The following BRCA1 variants were observed in gnomAD, a reference collection of about 807,000 sequenced individuals.
BRCA1 encodes breast cancer type 1 susceptibility protein.
Under a neutral mutation model 173.7 loss-of-function variants are expected in BRCA1, and 140 were observed. The observed-to-expected ratio is 0.81, with a 90% CI of 0.70 to 0.93. The LOEUF is 0.93. Ranked by LOEUF, BRCA1 falls within the 40% of genes least tolerant of loss-of-function variation. BRCA1 has a pLI of 0.00. For missense variants in BRCA1, 1,983 were observed against 2,172.5 expected (o/e 0.91, Z 1.73); for synonymous variants, 662 against 756.0 (o/e 0.88, Z 2.04).
chr17:43,076,466 T>G (rs2052715436), intron 13 of BRCA1, 22 bp downstream of exon 13: 2 of 1,612,686 alleles, frequency 1.2e-6, no homozygotes, highest in African/African-American at 1.3e-5. Context: ...TACCACAGCA[T>G]CTTTACATTG....
chr17:43,132,120 A>G (rs2055972003), intron 1 of BRCA1, among the ~76,000 whole-genome samples: 1 of 152,096 alleles, frequency 6.6e-6, no homozygotes, highest in Non-Finnish European at 1.5e-5. Flanking sequence ...ATCAACTGAC[A>G]TTTGCCCCAA....
intron 3 of BRCA1, among the ~76,000 whole-genome samples, chr17:43,106,776 T>C (rs2054810467): frequency 6.6e-6 from 1 of 152,232 alleles, no homozygotes; most frequent in East Asian, 1.9e-4. Flanking sequence ...TGGCTTACTG[T>C]TATGATCACA....
chr17:43,067,428 T>A, intron 16 of BRCA1, 180 bp downstream of exon 16: 1 of 505,170 alleles, frequency 2.0e-6, no homozygotes, highest in Non-Finnish European at 3.6e-6. Flanking sequence ...CTAATTTTTT[T>A]ATTTTTTAGT....
In BRCA1 at chr17:43,092,377, T is replaced by C. The variant is rs768995134; in HGVS notation, c.3154A>G (p.Asn1052Asp). Residue 1052 changes from asparagine (N) to aspartate (D), a missense_variant, in exon 10 of 23, where the codon AAT (asparagine) becomes GAT (aspartate). Asn to Asp is a conservative substitution (Grantham distance 23, BLOSUM62 1). Coordinates refer to ENST00000357654, the MANE Select transcript of BRCA1 (RefSeq NM_007294.4). ...TCATTAATACTGGAGCCCACTTCAT[T>C]AGTACTGGAACCTACTTCATTAATA... The part of the protein sequence containing the change: ...SNINEVGSST[N>D]EVGSSINEIG... 9 of 1,613,924 alleles carry C rather than the reference T, an allele frequency of 5.6e-6. No individual in the cohort carries two copies. The South Asian group carries it at 6.6e-5, about 12-fold the overall frequency.
chr17:43,112,064 G>C (rs1329504582), intron 3 of BRCA1, among the ~76,000 whole-genome samples: 1 of 151,780 alleles, frequency 6.6e-6, no homozygotes, highest in Non-Finnish European at 1.5e-5. Context: ...TCATGAAAAA[G>C]TCGATCTATC....
At chr17:43,099,316 G>A (rs2054269750) in intron 7 of BRCA1, among the ~76,000 whole-genome samples, 1 of 150,366 alleles carries the variant, frequency 6.7e-6, no homozygotes, top group African/African-American at 2.5e-5. Flanking sequence ...TTTTGCCCAG[G>A]CTGGAGTGCA....
intron 19 of BRCA1, among the ~76,000 whole-genome samples, chr17:43,052,756 C>T (rs2051293719): frequency 6.7e-6 from 1 of 149,520 alleles, no homozygotes; most frequent in East Asian, 2.0e-4. Flanking sequence ...GGTCACCCTC[C>T]CCCTTGACAG....
chr17:43,110,462 T>TA, intron 3 of BRCA1: 1 of 354,232 alleles, frequency 2.8e-6, no homozygotes, highest in South Asian at 2.1e-5. Context: ...GGTGTGCACT[T>TA]ACAGTCCCAG....
At chr17:43,064,861 T>G (rs565748317) in intron 16 of BRCA1, among the ~76,000 whole-genome samples, 1 of 148,142 alleles carries the variant, frequency 6.8e-6, no homozygotes, top group South Asian at 2.1e-4. Flanking sequence ...GATGCAGTCT[T>G]GCTCTGTCAG....
At chr17:43,091,344 G>T in intron 10 of BRCA1, 91 bp downstream of exon 10, 1 of 1,525,494 alleles carries the variant, frequency 6.6e-7, no homozygotes. Flanking sequence ...ACTATACTTG[G>T]AAATTTGTAA....
rs550394029 is a variant in BRCA1 at position 43,047,119 on chromosome 17, AG to A, written c.5467+523del. ...ATTTATACTTTCTTTTTTCTTTTTG[AG>A]ACACGGTCTCGCTCTGTCGCCCAGG... is the stretch of plus-strand genomic sequence containing the variant. On this transcript the variant is annotated intron_variant, in intron 22 of 22. Transcript: ENST00000357654. Among the ~76,000 whole-genome samples, 36 of 151,834 alleles carry A rather than the reference AG, an allele frequency of 2.4e-4. 1 individual carries two copies. The South Asian group carries it at 7.3e-3, about 31-fold the overall frequency.
At position 43,104,075 on chromosome 17, in the gene BRCA1, A is replaced by T. The variant is rs924685896; in HGVS notation, c.441+47T>A. 8 of 706,246 alleles carry T rather than the reference A, an allele frequency of 1.1e-5. No individual in the cohort carries two copies. The Admixed American group carries it at 1.6e-4, about 14-fold the overall frequency. The allele number at this position is 706,246 out of a possible 1,614,324, so 43.7% of individuals were successfully genotyped here. A position where few individuals can be genotyped will look rare whatever the true frequency, so the allele number is the denominator to read the frequency against. ...TCCATCTCAAAAAAAAAAAAGAAAA[A>T]AAAAAGAAAAGAAGAAGAAGAAGAA... is the stretch of plus-strand genomic sequence containing the variant. On this transcript the variant is annotated intron_variant, in intron 6 of 22. Coordinates refer to ENST00000357654, the MANE Select transcript of BRCA1 (RefSeq NM_007294.4).
intron 8 of BRCA1, 138 bp downstream of exon 8, chr17:43,097,106 C>T: frequency 1.2e-6 from 1 of 830,844 alleles, no homozygotes; most frequent in Non-Finnish European, 1.9e-6. Context: ...GTGTGTTTAC[C>T]TATATAACAA....
chr17:43,155,930 T>G (rs573520216), intron 1 of BRCA1, among the ~76,000 whole-genome samples: 25 of 152,276 alleles, frequency 1.6e-4, no homozygotes, highest in Admixed American at 5.9e-4. Context: ...CATTAAATAT[T>G]TAACTTTTTA....
At chr17:43,048,748 T>G (rs1029477803) in intron 21 of BRCA1, among the ~76,000 whole-genome samples, 17 of 150,410 alleles carry the variant, frequency 1.1e-4, no homozygotes, top group Non-Finnish European at 2.5e-4. Context: ...CTCAAACTCC[T>G]GACAAGTGAT....
chr17:43,072,066 G>C (rs1486271519), intron 14 of BRCA1, among the ~76,000 whole-genome samples: 1 of 151,094 alleles, frequency 6.6e-6, no homozygotes, highest in African/African-American at 2.4e-5. Flanking sequence ...AATGACTAAA[G>C]AAACACAGAA....
At chr17:43,048,199 TTC>T (rs969895592) in intron 21 of BRCA1, among the ~76,000 whole-genome samples, 6 of 151,614 alleles carry the variant, frequency 4.0e-5, no homozygotes, top group Admixed American at 1.3e-4. Flanking sequence ...AGCCCATCAT[TTC>T]TCTCTCTCTC....
At position 43,123,064 on chromosome 17, in the gene BRCA1, G is replaced by GA. The variant is rs149141411; in HGVS notation, c.80+952dup. On this transcript the variant is annotated intron_variant, in intron 2 of 22. Coordinates refer to ENST00000357654, the MANE Select transcript of BRCA1 (RefSeq NM_007294.4). ...AGAGCAAGACTCCATCTCAAAAAAA[G>GA]AAAAAAAAATACAAAAATTAGCTGG... Among the ~76,000 whole-genome samples, 44,289 of 148,056 alleles carry GA rather than the reference G, an allele frequency of 0.3. 7,119 individuals carry two copies. The highest frequency in any genetic ancestry group is 0.49 in the South Asian group (2,254 of 4,618).
chr17:43,111,584 G>A (rs1328591054), intron 3 of BRCA1, among the ~76,000 whole-genome samples: 8 of 151,336 alleles, frequency 5.3e-5, no homozygotes, highest in Non-Finnish European at 8.8e-5. Flanking sequence ...AACTTAGGGA[G>A]GCCAAGGCGG....
Sources: gnomAD v4.1 joint callset for allele counts (sites outside exome capture counted in the v4.1 genomes callset) on GRCh38, gnomAD v4.1.1 for gene constraint, MANE v1.5 for transcripts, NCBI Gene and HGNC (gene_info 2026-07-23, HGNC 2026-07-21) for gene names.